The following ESRRG variants were observed in gnomAD, a reference collection of about 807,000 sequenced individuals.
ESRRG encodes estrogen related receptor gamma, also known as estrogen-related receptor gamma.
In ESRRG, 13 loss-of-function variants were observed where a neutral mutation model predicts 44.0. That is an observed-to-expected ratio of 0.30 (90% CI 0.19 to 0.47). ESRRG has a LOEUF of 0.47. Ranked by LOEUF, ESRRG falls within the 20% of genes least tolerant of loss-of-function variation. The pLI is 1.00. For missense variants in ESRRG, 395 were observed against 580.6 expected, an observed-to-expected ratio of 0.68 and a Z score of 3.29; for synonymous variants, 215 against 214.6, an observed-to-expected ratio of 1.00 and a Z score of -0.02.
At chr1:216,579,007 A>G (rs1440470551) in intron 3 of ESRRG, among the ~76,000 whole-genome samples, 1 of 152,158 alleles carries the variant, frequency 6.6e-6, no homozygotes, top group African/African-American at 2.4e-5. Flanking sequence ...TATATAAATG[A>G]TGTATATTCA....
chr1:217,002,487 T>A lies in ESRRG; in HGVS notation c.-105-62814A>T, dbSNP rs988933792. ...TGATTCTGACAGTTATCTATAAAAT[T>A]ACACATATACAGTATATTAATACTG... On this transcript the variant is annotated intron_variant, in intron 1 of 7. Transcript: ENST00000359162. Among the ~76,000 whole-genome samples the A allele has an allele frequency of 1.3e-5, 2 of 152,028 alleles. 1 individual carries two copies. The highest frequency in any genetic ancestry group is 2.9e-5 in the Non-Finnish European group (2 of 68,002).
intron 2 of ESRRG, among the ~76,000 whole-genome samples, chr1:216,896,235 A>C (rs11572523): frequency 0.022 from 3,395 of 152,302 alleles, 51 homozygotes; most frequent in Non-Finnish European, 0.036. Context: ...ATGTTACTGG[A>C]AACATCTTCT....
At chr1:216,672,555 G>A (rs1373645804) in intron 2 of ESRRG, among the ~76,000 whole-genome samples, 16 of 152,092 alleles carry the variant, frequency 1.1e-4, no homozygotes, top group Non-Finnish European at 2.2e-4. Flanking sequence ...TTACACACTC[G>A]ATAACCAATC....
intron 1 of ESRRG, among the ~76,000 whole-genome samples, chr1:217,071,474 G>A (rs1385927083): frequency 6.6e-6 from 1 of 152,170 alleles, no homozygotes; most frequent in Non-Finnish European, 1.5e-5. Flanking sequence ...TAAGAGTAAT[G>A]AGAGAATTAT....
intron 1 of ESRRG, among the ~76,000 whole-genome samples, chr1:217,085,095 G>C (rs889147512): frequency 1.0e-5 from 1 of 97,904 alleles, no homozygotes; most frequent in African/African-American, 3.8e-5. Flanking sequence ...TTTCACAATG[G>C]GTTGTGAATC....
chr1:216,683,134 A>G (rs766100720), intron 1 of ESRRG, among the ~76,000 whole-genome samples: 1 of 152,170 alleles, frequency 6.6e-6, no homozygotes, highest in Non-Finnish European at 1.5e-5. Flanking sequence ...ACATATCATC[A>G]TTGCATTAAG....
intron 1 of ESRRG, among the ~76,000 whole-genome samples, chr1:216,717,712 A>G (rs947231578): frequency 6.6e-6 from 1 of 151,858 alleles, no homozygotes; most frequent in African/African-American, 2.4e-5. Context: ...CTTACCTCTT[A>G]GAATAAAATT....
chr1:216,774,916 C>G (rs1390889718), intron 2 of ESRRG, among the ~76,000 whole-genome samples: 1 of 151,162 alleles, frequency 6.6e-6, no homozygotes, highest in Non-Finnish European at 1.5e-5. Flanking sequence ...ATCCTCCCAC[C>G]TCAGCCTCTT....
At chr1:216,765,255 A>C (rs2152364434) in intron 2 of ESRRG, among the ~76,000 whole-genome samples, 1 of 152,218 alleles carries the variant, frequency 6.6e-6, no homozygotes, top group East Asian at 1.9e-4. Flanking sequence ...CAAATAAAAC[A>C]GCTCTTGAGG....
At chr1:216,982,340 A>C (rs1040644281) in intron 1 of ESRRG, among the ~76,000 whole-genome samples, 3 of 152,196 alleles carry the variant, frequency 2.0e-5, no homozygotes, top group African/African-American at 7.2e-5. Flanking sequence ...AATGAGCCAA[A>C]AGTTTTATGT....
intron 1 of ESRRG, among the ~76,000 whole-genome samples, chr1:217,086,041 A>T (rs1357648054): frequency 6.6e-6 from 1 of 152,184 alleles, no homozygotes; most frequent in Non-Finnish European, 1.5e-5. Flanking sequence ...CATTATTTTG[A>T]CTTTATGAAG....
chr1:216,905,842 C>T (rs901491539), intron 2 of ESRRG, among the ~76,000 whole-genome samples: 1 of 152,168 alleles, frequency 6.6e-6, no homozygotes, highest in Non-Finnish European at 1.5e-5. Context: ...CCTCCGCCTC[C>T]CAGGTTCAAG....
chr1:217,045,562 G>C (rs1400561210), intron 1 of ESRRG, among the ~76,000 whole-genome samples: 2 of 152,230 alleles, frequency 1.3e-5, no homozygotes, highest in Non-Finnish European at 2.9e-5. Flanking sequence ...GATCTCCTGA[G>C]ATGGCTGGTC....
At chr1:216,907,175 C>A (rs2059776810) in intron 2 of ESRRG, among the ~76,000 whole-genome samples, 1 of 152,126 alleles carries the variant, frequency 6.6e-6, no homozygotes, top group South Asian at 2.1e-4. Context: ...CCGGCTGTTA[C>A]TGACTCTGGG....
chr1:217,126,066 T>C (rs192782676), intron 1 of ESRRG, among the ~76,000 whole-genome samples: 472 of 152,286 alleles, frequency 3.1e-3, no homozygotes, highest in African/African-American at 0.011. Flanking sequence ...GATATTGTGG[T>C]AGAGGAGGCC....
intron 2 of ESRRG, among the ~76,000 whole-genome samples, chr1:216,853,883 T>C (rs2095877025): frequency 6.6e-6 from 1 of 152,194 alleles, no homozygotes; most frequent in Non-Finnish European, 1.5e-5. Flanking sequence ...GACATACACT[T>C]TTCACCATTT....
At chr1:216,902,917 TC>T (rs1458517161) in intron 2 of ESRRG, among the ~76,000 whole-genome samples, 1 of 152,134 alleles carries the variant, frequency 6.6e-6, no homozygotes, top group East Asian at 1.9e-4. Flanking sequence ...CTGAACTCCA[TC>T]CTGTTTGCAC....
At chr1:216,984,473 G>A (rs2074536547) in intron 1 of ESRRG, among the ~76,000 whole-genome samples, 1 of 152,136 alleles carries the variant, frequency 6.6e-6, no homozygotes, top group South Asian at 2.1e-4. Context: ...TAATATTTTA[G>A]CAGAAACAAA....
intron 1 of ESRRG, among the ~76,000 whole-genome samples, chr1:217,107,471 C>T (rs1433320804): frequency 6.6e-6 from 1 of 152,200 alleles, no homozygotes; most frequent in African/African-American, 2.4e-5. Context: ...GAAGCTAAAA[C>T]TTATATATTG....
Sources: gnomAD v4.1 joint callset for allele counts (sites outside exome capture counted in the v4.1 genomes callset) on GRCh38, gnomAD v4.1.1 for gene constraint, MANE v1.5 for transcripts, NCBI Gene and HGNC (gene_info 2026-07-23, HGNC 2026-07-21) for gene names.